The following UPF2 variants were observed in gnomAD, a reference collection of about 807,000 sequenced individuals.
UPF2 encodes UPF2 regulator of nonsense mediated mRNA decay.
UPF2 carries 17 observed loss-of-function variants against 141.4 expected under a neutral mutation model. The observed-to-expected ratio is 0.12, with a 90% CI of 0.08 to 0.18. The LOEUF (loss-of-function observed/expected upper bound fraction) is 0.18. UPF2 is among the 10% of genes least tolerant of loss of function. UPF2 has a pLI of 1.00. For missense variants in UPF2, 1,152 were observed against 1,515.9 expected (o/e 0.76, Z 3.99); for synonymous variants, 540 against 498.0 (o/e 1.08, Z -1.12).
At chr10:12,008,629 C>CAAAA (rs60750390) in intron 4 of UPF2, among the ~76,000 whole-genome samples, 8 of 74,948 alleles carry the variant, frequency 1.1e-4, no homozygotes, top group East Asian at 8.0e-4. Context: ...GACACCACCT[C>CAAAA]AAAAAAAAAA....
chr10:11,953,162 C>T lies in UPF2; in HGVS notation c.2851-913G>A, dbSNP rs986073213. ...AATTTACATTAACTGAAAGCACAAC[C>T]CAAGAATTTACTAGTATATGAACAG... is the stretch of plus-strand genomic sequence containing the variant. On this transcript the variant is annotated intron_variant, in intron 14 of 21. Coordinates refer to ENST00000357604, the MANE Select transcript of UPF2 (RefSeq NM_015542.4). This position sits in a 1 kb window ranked among gnomAD's most constrained non-coding sequence, Gnocchi z 5.0. Among the ~76,000 whole-genome samples the T allele has an allele frequency of 6.6e-6, 1 of 152,120 alleles. No homozygotes were observed. The highest frequency in any genetic ancestry group is 1.5e-5 in the Non-Finnish European group (1 of 68,042).
intron 8 of UPF2, among the ~76,000 whole-genome samples, chr10:11,984,957 C>T (rs991279057): frequency 6.6e-6 from 1 of 152,092 alleles, no homozygotes. Flanking sequence ...AAGTGATCCA[C>T]CCGCCTCGGC....
At chr10:12,024,217 G>T (rs1249754525) in intron 3 of UPF2, among the ~76,000 whole-genome samples, 1 of 151,976 alleles carries the variant, frequency 6.6e-6, no homozygotes, top group Admixed American at 6.6e-5. Flanking sequence ...CAGAAGTTTG[G>T]GAGGCCATGG....
chr10:12,021,521 CAAA>C (rs57040520), intron 3 of UPF2, among the ~76,000 whole-genome samples: 2 of 149,890 alleles, frequency 1.3e-5, no homozygotes, highest in African/African-American at 4.9e-5. Flanking sequence ...GACCCTGTCT[CAAA>C]AAAAAGGATC....
intron 8 of UPF2, among the ~76,000 whole-genome samples, chr10:11,988,410 C>T (rs1833729062): frequency 6.6e-6 from 1 of 152,310 alleles, no homozygotes; most frequent in South Asian, 2.1e-4. Context: ...TTCCTGGGCT[C>T]AACTGATCCT....
At position 11,993,674 on chromosome 10, in the gene UPF2, T is replaced by A. The variant is rs554851572; in HGVS notation, c.1844+3998A>T. 3.3e-5 allele frequency among the ~76,000 whole-genome samples: 5 copies of A among 152,298 alleles called. No individual in the cohort carries two copies. The South Asian group carries it at 6.2e-4, about 19-fold the overall frequency. Reference sequence around the variant, plus strand: ...AGGAAATAAAACTAAAATTACCACATGTCAGAACTAACAGATGGCTGGGCA... The same window carrying A: ...AGGAAATAAAACTAAAATTACCACAAGTCAGAACTAACAGATGGCTGGGCA... On this transcript the variant is annotated intron_variant, in intron 8 of 21. Transcript: ENST00000357604.
chr10:12,034,260 G>A (rs1166720004), intron 2 of UPF2, among the ~76,000 whole-genome samples: 1 of 152,024 alleles, frequency 6.6e-6, no homozygotes, highest in Non-Finnish European at 1.5e-5. Flanking sequence ...CCAACTGAAG[G>A]TTTTCAATTT....
At chr10:11,955,117 A>ATT in intron 14 of UPF2, 115 bp downstream of exon 14, 3 of 1,011,038 alleles carry the variant, frequency 3.0e-6, no homozygotes, top group Non-Finnish European at 3.9e-6. Context: ...ATATAATCTA[A>ATT]TTATGAACAT....
chr10:12,041,156 C>T (rs1010862107), intron 1 of UPF2, among the ~76,000 whole-genome samples: 2 of 152,188 alleles, frequency 1.3e-5, no homozygotes, highest in African/African-American at 2.4e-5. Flanking sequence ...TAATAAAATG[C>T]TAAAATTCTT....
chr10:12,007,569 G>A (rs528824467), intron 4 of UPF2, among the ~76,000 whole-genome samples: 2 of 152,156 alleles, frequency 1.3e-5, no homozygotes, highest in South Asian at 2.1e-4. Flanking sequence ...AGTGGCTCAC[G>A]CCTGTAATCC....
chr10:11,961,755 G>A (rs910032105), intron 11 of UPF2, among the ~76,000 whole-genome samples: 1 of 152,136 alleles, frequency 6.6e-6, no homozygotes, highest in African/African-American at 2.4e-5. Context: ...TTTAACGCAT[G>A]AATAAATGAA....
chr10:11,945,276 C>T (rs1832987038), intron 16 of UPF2, among the ~76,000 whole-genome samples: 1 of 152,198 alleles, frequency 6.6e-6, no homozygotes, highest in Admixed American at 6.5e-5. Flanking sequence ...CTTTAAACAG[C>T]TGAAGACCAA....
rs1256815981 is a variant in UPF2, at chr10:11,931,098, C to G, written c.3688+543G>C. ...CTGAAGGAACACAGCTTCCTCAAGA[C>G]CAGGACTCCAAGTAGACAAAAGGAG... On this transcript the variant is annotated intron_variant, in intron 20 of 21. Coordinates refer to ENST00000357604, the MANE Select transcript of UPF2 (RefSeq NM_015542.4). This position sits in a 1 kb window ranked among gnomAD's most constrained non-coding sequence, Gnocchi z 5.9. 6.6e-6 allele frequency among the ~76,000 whole-genome samples: 1 copy of G among 152,112 alleles called. No homozygotes were observed. The highest frequency in any genetic ancestry group is 1.5e-5 in the Non-Finnish European group (1 of 68,020).
chr10:12,035,538 C>T (rs1834610156), intron 1 of UPF2, 97 bp from the exon 2 acceptor site: 2 of 1,317,362 alleles, frequency 1.5e-6, no homozygotes, highest in Admixed American at 2.8e-5. Flanking sequence ...TGCAACTTGG[C>T]AATTGTAAAA....
chr10:11,933,042 A>C (rs1832801276), intron 19 of UPF2, among the ~76,000 whole-genome samples: 1 of 152,178 alleles, frequency 6.6e-6, no homozygotes, highest in Non-Finnish European at 1.5e-5. Context: ...GAAATATTTA[A>C]ATCTAGAAAA....
chr10:11,924,317 C>A (rs1015373825), intron 21 of UPF2, among the ~76,000 whole-genome samples: 3 of 152,226 alleles, frequency 2.0e-5, no homozygotes, highest in Admixed American at 2.0e-4. Context: ...GTGGCTGACA[C>A]CTATAATCCC....
chr10:11,996,632 C>T (rs953713563), intron 8 of UPF2, among the ~76,000 whole-genome samples: 4 of 152,212 alleles, frequency 2.6e-5, no homozygotes, highest in African/African-American at 9.6e-5. Context: ...GCCTGAGCCA[C>T]CGCGCCTGGC....
chr10:11,938,853 G>GCTTTTTTTTTTTTTTTTTTT (rs1832889411), intron 18 of UPF2, among the ~76,000 whole-genome samples: 1 of 79,816 alleles, frequency 1.3e-5, no homozygotes, highest in Non-Finnish European at 2.3e-5. Flanking sequence ...TTTTTTTTTT[G>GCTTTTTTTTTTTTTTTTTTT]TTTTTTTTTT....
In UPF2 at chr10:12,042,766, T is replaced by C. The variant is rs1201339662; in HGVS notation, c.-30A>G. The C allele has an allele frequency of 2.6e-5, 4 of 152,184 alleles. No individual in the cohort carries two copies. Among genetic ancestry groups the C allele is most frequent in the Admixed American group, 2.6e-4 (4 of 15,262 alleles). The allele number at this position is 152,184 out of a possible 1,614,324, so 9.4% of individuals were successfully genotyped here. A position where few individuals can be genotyped will look rare whatever the true frequency, so the allele number is the denominator to read the frequency against. ...TCCCCGGGACTCACCTCGAGCCTGT[T>C]GTCAACATTAGCCCCGGGTTTCCCA... On this transcript the variant is annotated 5_prime_UTR_variant, in exon 1 of 22. Transcript: ENST00000357604. The surrounding 1 kb of genome is among the most constrained non-coding windows in gnomAD (Gnocchi z 5.5).
Sources: gnomAD v4.1 joint callset for allele counts (sites outside exome capture counted in the v4.1 genomes callset) on GRCh38, gnomAD v4.1.1 for gene constraint, Gnocchi (gnomAD v3.1) non-coding constraint, MANE v1.5 for transcripts, NCBI Gene and HGNC (gene_info 2026-07-23, HGNC 2026-07-21) for gene names.